MBNL1: variants seen among roughly 807,000 people sequenced by gnomAD.
MBNL1 encodes the protein muscleblind-like protein 1.
Under a neutral mutation model 42.2 loss-of-function variants are expected in MBNL1, and 8 were observed. The ratio of observed to expected loss-of-function variants is 0.19; its 90% confidence interval spans 0.11 to 0.34. MBNL1 has a LOEUF of 0.34. MBNL1 is among the 10% of genes least tolerant of loss of function. The pLI is 1.00. For missense variants in MBNL1, 309 were observed against 495.3 expected, an observed-to-expected ratio of 0.62 and a Z score of 3.57; for synonymous variants, 169 against 173.9, an observed-to-expected ratio of 0.97 and a Z score of 0.22.
chr3:152,252,825 T>TA (rs931517708), intron 2 of MBNL1, among the ~76,000 whole-genome samples: 19 of 152,196 alleles, frequency 1.2e-4, no homozygotes, highest in Admixed American at 1.1e-3. Context: ...CTATAAGAGC[T>TA]AAAAAAATTT....
intron 1 of MBNL1, among the ~76,000 whole-genome samples, chr3:152,286,508 TTA>T (rs947736249): frequency 2.4e-5 from 3 of 126,400 alleles, no homozygotes; most frequent in African/African-American, 9.6e-5. Flanking sequence ...ATATAAATAT[TTA>T]TATTTTATTT....
At chr3:152,392,079 CAAA>C in intron 2 of MBNL1, among the ~76,000 whole-genome samples, 1 of 145,276 alleles carries the variant, frequency 6.9e-6, no homozygotes. Context: ...TCATTTTGTG[CAAA>C]AAAAAAAAGT....
At position 152,437,463 on chromosome 3, in the gene MBNL1, C is replaced by T. The variant is rs140821282; in HGVS notation, c.549+4543C>T. The stretch of plus-strand genomic sequence containing the variant: ...GCTAATTAGGTGAGTCAGCTTGGAT[C>T]GAGATGCTCTTATTCTCTGGGCTTC... On this transcript the variant is annotated intron_variant, in intron 4 of 9. Coordinates refer to ENST00000324210, the MANE Select transcript of MBNL1 (RefSeq NM_021038.5). Among the ~76,000 whole-genome samples, 228 of 152,198 alleles carry T rather than the reference C, an allele frequency of 1.5e-3. 1 individual carries two copies. The highest frequency in any genetic ancestry group is 3.0e-3 in the Non-Finnish European group (201 of 68,010).
intron 2 of MBNL1, among the ~76,000 whole-genome samples, chr3:152,346,344 ATC>A (rs1168638271): frequency 1.3e-5 from 2 of 152,150 alleles, no homozygotes; most frequent in African/African-American, 4.8e-5. Context: ...TTCTACCACT[ATC>A]TGTTTAAATC....
At chr3:152,325,933 A>T (rs2079714351) in intron 2 of MBNL1, among the ~76,000 whole-genome samples, 1 of 152,118 alleles carries the variant, frequency 6.6e-6, no homozygotes, top group Non-Finnish European at 1.5e-5. Context: ...TTTTGTATGC[A>T]TGTATCCGTA....
intron 2 of MBNL1, among the ~76,000 whole-genome samples, chr3:152,311,904 A>G (rs1577606830): frequency 2.0e-5 from 3 of 152,178 alleles, no homozygotes; most frequent in African/African-American, 7.2e-5. Flanking sequence ...TAAGAGATGT[A>G]TCTCGGATGG....
chr3:152,403,282 C>G (rs2098307504), intron 2 of MBNL1, among the ~76,000 whole-genome samples: 1 of 152,114 alleles, frequency 6.6e-6, no homozygotes, highest in African/African-American at 2.4e-5. Flanking sequence ...TAACTAAGCA[C>G]TTAAGAATAT....
At chr3:152,367,205 G>A (rs2153220389) in intron 2 of MBNL1, among the ~76,000 whole-genome samples, 1 of 147,768 alleles carries the variant, frequency 6.8e-6, no homozygotes, top group South Asian at 2.2e-4. Context: ...AGACCCCAGA[G>A]TGTAATGTTC....
intron 1 of MBNL1, among the ~76,000 whole-genome samples, chr3:152,286,030 C>G (rs1465667023): frequency 6.6e-6 from 1 of 151,622 alleles, no homozygotes; most frequent in Admixed American, 6.6e-5. Context: ...CACAAGCCAA[C>G]TTTTCAAAAA....
chr3:152,375,601 T>C (rs538905482), intron 2 of MBNL1, among the ~76,000 whole-genome samples: 19 of 152,220 alleles, frequency 1.2e-4, no homozygotes, highest in African/African-American at 3.9e-4. Flanking sequence ...ACATGTTTGG[T>C]AAAAATTCAG....
At chr3:152,338,790 C>A in intron 2 of MBNL1, 1 of 658,258 alleles carries the variant, frequency 1.5e-6, no homozygotes, top group Non-Finnish European at 1.9e-6. Flanking sequence ...TGTGTTTGAT[C>A]AAACCAAAAT....
chr3:152,381,443 C>T (rs2097177377), intron 2 of MBNL1, among the ~76,000 whole-genome samples: 1 of 151,864 alleles, frequency 6.6e-6, no homozygotes, highest in Non-Finnish European at 1.5e-5. Flanking sequence ...AGAAAAATTC[C>T]TATTTACAGT....
chr3:152,455,926 A>G (rs1403044594), intron 7 of MBNL1, among the ~76,000 whole-genome samples: 3 of 152,204 alleles, frequency 2.0e-5, no homozygotes, highest in African/African-American at 7.2e-5. Flanking sequence ...TGAAGTAAAT[A>G]CTTGTATTTT....
chr3:152,293,021 G>T (rs1306226237), intron 1 of MBNL1, among the ~76,000 whole-genome samples: 1 of 152,082 alleles, frequency 6.6e-6, no homozygotes, highest in African/African-American at 2.4e-5. Flanking sequence ...CTCCACTTCA[G>T]CCTCCCAAAG....
At chr3:152,408,372 T>C (rs2098484787) in intron 2 of MBNL1, among the ~76,000 whole-genome samples, 2 of 152,296 alleles carry the variant, frequency 1.3e-5, no homozygotes, top group East Asian at 3.9e-4. Context: ...CTGTTATAAC[T>C]ACTCTAAAAA....
At chr3:152,449,338 G>A (rs569257289) in intron 6 of MBNL1, 1 of 152,220 alleles carries the variant, frequency 6.6e-6, no homozygotes, top group African/African-American at 2.4e-5. Flanking sequence ...TGAACTCCTC[G>A]TTCTACTCAT....
chr3:152,316,734 C>A (rs1304929466), intron 2 of MBNL1, among the ~76,000 whole-genome samples: 1 of 152,178 alleles, frequency 6.6e-6, no homozygotes, highest in Non-Finnish European at 1.5e-5. Flanking sequence ...TTTGCCATGA[C>A]TTCTCAATCT....
intron 3 of MBNL1, among the ~76,000 whole-genome samples, chr3:152,430,809 G>C (rs749992181): frequency 1.3e-5 from 2 of 152,126 alleles, no homozygotes; most frequent in Non-Finnish European, 2.9e-5. Context: ...GATAGTTCTT[G>C]TTGTCTGCAG....
At position 152,414,980 on chromosome 3, in the gene MBNL1, C is replaced by T. The variant is rs1007018894; in HGVS notation, c.214C>T (p.Pro72Ser). ...GGAGAACTGCAAATATCTTCATCCA[C>T]CCCCACATTTAAAAACGCAGTTGGA... Reference protein sequence around the residue: ...SRENCKYLHPPPHLKTQLEIN... With the variant: ...SRENCKYLHPSPHLKTQLEIN... The change falls in exon 3 of 10, where the codon CCC becomes TCC. Residue 72 changes from proline (P) to serine (S), a missense_variant. Transcript: ENST00000324210. The T allele has an allele frequency of 6.2e-7, 1 of 1,608,352 alleles. No individual in the cohort carries two copies. Among genetic ancestry groups the T allele is most frequent in the African/African-American group, 1.3e-5 (1 of 74,542 alleles).
Sources: allele counts gnomAD v4.1 joint callset (sites outside exome capture counted in the v4.1 genomes callset), GRCh38; gene constraint gnomAD v4.1.1; transcripts MANE v1.5; gene names NCBI Gene and HGNC (gene_info 2026-07-23, HGNC 2026-07-21).